HEXB: variants seen among roughly 807,000 people sequenced by gnomAD.
HEXB encodes hexosaminidase subunit beta, also known as beta-hexosaminidase subunit beta.
Under a neutral mutation model 71.2 loss-of-function variants are expected in HEXB, and 51 were observed. The observed-to-expected ratio is 0.72, with a 90% CI of 0.57 to 0.90. HEXB has a LOEUF of 0.90. Ranked by LOEUF, HEXB falls within the 40% of genes least tolerant of loss-of-function variation. HEXB has a pLI of 0.00. For synonymous variants in HEXB, 266 were observed against 249.3 expected, an observed-to-expected ratio of 1.07 and a Z score of -0.63; for missense variants, 617 against 677.0, an observed-to-expected ratio of 0.91 and a Z score of 0.98.
At chr5:74,705,091 CAAA>C (rs10644603) in intron 5 of HEXB, 125 bp from the exon 6 acceptor site, 24,857 of 402,378 alleles carry the variant, frequency 0.062, 3 homozygotes, top group East Asian at 0.076. Context: ...GACCCTGTCT[CAAA>C]AAAAAAAAAA....
chr5:74,710,919 A>C (rs1749524909), intron 6 of HEXB, among the ~76,000 whole-genome samples: 1 of 152,172 alleles, frequency 6.6e-6, no homozygotes, highest in Non-Finnish European at 1.5e-5. Context: ...TTCTTCACAG[A>C]ATTGGAAAAA....
chr5:74,679,825 A>AAAAAAAAAG (rs1748705828), intron 1 of HEXB, among the ~76,000 whole-genome samples: 7 of 119,194 alleles, frequency 5.9e-5, no homozygotes, highest in East Asian at 2.4e-4. Flanking sequence ...AAAAAAAAAA[A>AAAAAAAAAG]GTATGGCTTT....
rs1747859131 is a variant in HEXB, at chr5:74,641,026, T to TC, written c.-377+471dup. 1 of 152,058 alleles carries TC rather than the reference T, an allele frequency of 6.6e-6. No homozygotes were observed. Among genetic ancestry groups the TC allele is most frequent in the Admixed American group, 6.6e-5 (1 of 15,252 alleles). The allele number at this position is 152,058 out of a possible 1,614,324, so 9.4% of individuals were successfully genotyped here. A position where few individuals can be genotyped will look rare whatever the true frequency, so the allele number is the denominator to read the frequency against. ...CGGGAACCGAGAATAAAATAAGTTT[T>TC]CCCGGGTTCGAGTGTCTGCGCCTCT... On this transcript the variant is annotated intron_variant, in intron 1 of 13. Coordinates refer to the HEXB transcript ENST00000511181. The surrounding 1 kb of genome is among the most constrained non-coding windows in gnomAD (Gnocchi z 4.1).
chr5:74,672,140 G>A (rs907623055), intron 1 of HEXB, among the ~76,000 whole-genome samples: 2 of 152,054 alleles, frequency 1.3e-5, no homozygotes, highest in Admixed American at 6.5e-5. Context: ...CCTCTCTAGC[G>A]TCATGACTTT....
At chr5:74,647,751 A>G (rs184093998) in intron 1 of HEXB, among the ~76,000 whole-genome samples, 17 of 152,364 alleles carry the variant, frequency 1.1e-4, no homozygotes, top group African/African-American at 4.1e-4. Context: ...TAACTTTTTA[A>G]AAGTATGTAT....
chr5:74,663,733 G>T (rs189000647), intron 1 of HEXB, among the ~76,000 whole-genome samples: 1 of 152,334 alleles, frequency 6.6e-6, no homozygotes, highest in East Asian at 1.9e-4. Context: ...CAAGGGGAAA[G>T]AAATTAGTGA....
chr5:74,711,371 A>T (rs1254669834), intron 6 of HEXB, among the ~76,000 whole-genome samples: 1 of 149,980 alleles, frequency 6.7e-6, no homozygotes, highest in Non-Finnish European at 1.5e-5. Context: ...GGACATAGGC[A>T]TGGGCAAGGA....
At chr5:74,677,150 G>A (rs1748646117) in intron 1 of HEXB, among the ~76,000 whole-genome samples, 1 of 152,114 alleles carries the variant, frequency 6.6e-6, no homozygotes, top group African/African-American at 2.4e-5. Flanking sequence ...CTCCCAAAGT[G>A]CTGGGATTAC....
intron 5 of HEXB, among the ~76,000 whole-genome samples, chr5:74,700,167 C>G (rs898895423): frequency 6.6e-6 from 1 of 151,112 alleles, no homozygotes; most frequent in African/African-American, 2.4e-5. Flanking sequence ...CCACCACACC[C>G]GGCTAATTTT....
chr5:74,682,396 A>G (rs6896615), upstream of HEXB, among the ~76,000 whole-genome samples: 81,277 of 152,146 alleles, frequency 0.53, 22,105 homozygotes, highest in Non-Finnish European at 0.57. Context: ...AAGATCCTCC[A>G]GCACTAGCCA....
intron 1 of HEXB, among the ~76,000 whole-genome samples, chr5:74,687,331 C>T (rs920433334): frequency 3.3e-5 from 5 of 152,134 alleles, no homozygotes; most frequent in African/African-American, 1.2e-4. Context: ...AGTCTAGGCC[C>T]CAGATTGTTC....
At chr5:74,664,448 A>AAAAAAAAAC (rs756960235) in intron 1 of HEXB, among the ~76,000 whole-genome samples, 18 of 126,526 alleles carry the variant, frequency 1.4e-4, no homozygotes, top group South Asian at 2.5e-4. Context: ...AAAAAAAAAA[A>AAAAAAAAAC]AAAAACAGAG....
intron 1 of HEXB, among the ~76,000 whole-genome samples, chr5:74,651,446 TC>T (rs1406748564): frequency 1.3e-5 from 2 of 152,236 alleles, no homozygotes; most frequent in Non-Finnish European, 2.9e-5. Flanking sequence ...TGTTCTATAC[TC>T]GCTAAGGCAA....
At chr5:74,666,245 G>T (rs1055959478) in intron 1 of HEXB, among the ~76,000 whole-genome samples, 4 of 152,196 alleles carry the variant, frequency 2.6e-5, no homozygotes, top group Non-Finnish European at 2.9e-5. Context: ...ATCTCAATGG[G>T]TCACAAATAA....
intron 1 of HEXB, among the ~76,000 whole-genome samples, chr5:74,672,842 G>A (rs1748564410): frequency 1.3e-5 from 2 of 152,192 alleles, no homozygotes; most frequent in Non-Finnish European, 2.9e-5. Flanking sequence ...TGGAAGGAAG[G>A]TTAAGAAGGA....
chr5:74,688,590 G>A (rs912898942), intron 1 of HEXB, among the ~76,000 whole-genome samples: 2 of 152,072 alleles, frequency 1.3e-5, no homozygotes, highest in African/African-American at 2.4e-5. Context: ...TGATCCTCCC[G>A]CCTTGGCCTC....
intron 5 of HEXB, among the ~76,000 whole-genome samples, chr5:74,701,638 T>G (rs1163031735): frequency 6.6e-6 from 1 of 152,112 alleles, no homozygotes; most frequent in Non-Finnish European, 1.5e-5. Flanking sequence ...GTTTGTATTT[T>G]GAAGTCTTAA....
Position 74,718,837 on chromosome 5 carries a change from C to T in HEXB, c.1283C>T (p.Ala428Val). The T allele has an allele frequency of 6.2e-7, 1 of 1,614,144 alleles. No individual in the cohort carries two copies. Among genetic ancestry groups the T allele is most frequent in the Non-Finnish European group, 8.5e-7 (1 of 1,179,990 alleles). Reference protein sequence around the residue: ...GTIVEVWKDSAYPEELSRVTA... With the variant: ...GTIVEVWKDSVYPEELSRVTA... ...ATAGTTGAAGTATGGAAAGACAGCGCATATCCTGAGGAACTCAGTAGAGTC... is the reference window on the plus strand; with the variant it reads ...ATAGTTGAAGTATGGAAAGACAGCGTATATCCTGAGGAACTCAGTAGAGTC... The change falls in exon 11 of 14, where the codon GCA becomes GTA. Residue 428 changes from alanine (A) to valine (V), a missense_variant. Coordinates refer to ENST00000261416, the MANE Select transcript of HEXB (RefSeq NM_000521.4).
intron 1 of HEXB, among the ~76,000 whole-genome samples, chr5:74,642,468 G>A (rs190557700): frequency 7.6e-4 from 115 of 152,198 alleles, no homozygotes; most frequent in Non-Finnish European, 1.1e-3. Flanking sequence ...GATGGGAGGC[G>A]GAAATGTGTA....
Sources: allele counts gnomAD v4.1 joint callset (sites outside exome capture counted in the v4.1 genomes callset), GRCh38; gene constraint gnomAD v4.1.1; non-coding constraint Gnocchi (gnomAD v3.1); transcripts MANE v1.5; gene names NCBI Gene and HGNC (gene_info 2026-07-23, HGNC 2026-07-21).